Variants in IREB2 observed in about 807,000 individuals in gnomAD.
IREB2 encodes iron responsive element binding protein 2, also known as iron-responsive element-binding protein 2.
In IREB2, 39 loss-of-function variants were observed where a neutral mutation model predicts 118.8. The observed-to-expected ratio is 0.33, with a 90% CI of 0.25 to 0.43. IREB2 has a LOEUF of 0.43. IREB2 is among the 20% of genes least tolerant of loss of function. The probability of loss-of-function intolerance (pLI) is 1.00; values close to 1 mark genes in which losing one functional copy is unlikely to be tolerated. For synonymous variants in IREB2, 372 were observed against 392.2 expected (o/e 0.95, Z 0.61); for missense variants, 900 against 1,147.3 (o/e 0.78, Z 3.11).
At chr15:78,459,576 T>C (rs1173135670) in intron 2 of IREB2, among the ~76,000 whole-genome samples, 3 of 152,128 alleles carry the variant, frequency 2.0e-5, no homozygotes, top group Non-Finnish European at 4.4e-5. Flanking sequence ...TCTGTAACTC[T>C]TGACCTCGAG....
chr15:78,487,664 A>G, intron 13 of IREB2, 69 bp from the exon 14 acceptor site: 1 of 846,520 alleles, frequency 1.2e-6, no homozygotes, highest in Non-Finnish European at 2.0e-6. Context: ...TAGAAATACA[A>G]GATAAGACTT....
chr15:78,485,917 A>G (rs2051652543), intron 13 of IREB2, 77 bp downstream of exon 13: 2 of 1,213,430 alleles, frequency 1.6e-6, no homozygotes, highest in East Asian at 2.5e-5. Flanking sequence ...TGCCTTTCAT[A>G]TACAAAGAGA....
chr15:78,496,987 T>G, intron 20 of IREB2, 139 bp from the exon 21 acceptor site: 1 of 634,044 alleles, frequency 1.6e-6, no homozygotes, highest in Non-Finnish European at 2.8e-6. Context: ...GTAAATACTT[T>G]GATAAAATAT....
In IREB2 at chr15:78,483,395, A is replaced by G. The variant is rs746124664; in HGVS notation, c.1374A>G (p.Thr458=). The G allele has an allele frequency of 1.9e-6, 3 of 1,606,482 alleles. No individual in the cohort carries two copies. Among genetic ancestry groups the G allele is most frequent in the Non-Finnish European group, 2.6e-6 (3 of 1,173,086 alleles). Residue 458 remains threonine (T), a synonymous_variant, in exon 11 of 22, where the codon ACA becomes ACG. Coordinates refer to ENST00000258886, the MANE Select transcript of IREB2 (RefSeq NM_004136.4). ...GACCTCAGGATAGAGTTGCTGTGACAGATATGAAAAGCGATTTCCAGGCTT... is the reference window on the plus strand; with the variant it reads ...GACCTCAGGATAGAGTTGCTGTGACGGATATGAAAAGCGATTTCCAGGCTT... ...PKRPQDRVAV[T]DMKSDFQACL...
At chr15:78,453,321 G>A (rs1223048852) in intron 2 of IREB2, among the ~76,000 whole-genome samples, 1 of 152,002 alleles carries the variant, frequency 6.6e-6, no homozygotes, top group Non-Finnish European at 1.5e-5. Context: ...TTGCTACAAG[G>A]CTGTTGGGAT....
Position 78,438,221 on chromosome 15 carries a change from T to G in IREB2, c.-117T>G, listed in dbSNP as rs1395493159. On this transcript the variant is annotated 5_prime_UTR_variant, in exon 1 of 22. Transcript: ENST00000258886. ...TGCTCTCGCGATATTTGCGCGAGCC[T>G]GCTTCCTTCTTTCCTCCCTTGCCAG... 2.6e-5 allele frequency: 21 copies of G among 806,470 alleles called. No homozygotes were observed. The highest frequency in any genetic ancestry group is 6.2e-5 in the Admixed American group (3 of 48,002). The allele number at this position is 806,470 out of a possible 1,614,324, so 50.0% of individuals were successfully genotyped here.
chr15:78,440,890 T>C (rs1054187756), intron 2 of IREB2, among the ~76,000 whole-genome samples: 2 of 152,158 alleles, frequency 1.3e-5, no homozygotes, highest in Admixed American at 6.5e-5. Flanking sequence ...CTATAGGGCA[T>C]TGAATGGAAG....
chr15:78,463,450 A>C (rs920522840), intron 3 of IREB2, among the ~76,000 whole-genome samples: 2 of 152,038 alleles, frequency 1.3e-5, no homozygotes, highest in African/African-American at 2.4e-5. Context: ...CTAAAAATAA[A>C]AAATAAAATA....
At chr15:78,482,688 T>G (rs2051594620) in intron 10 of IREB2, among the ~76,000 whole-genome samples, 1 of 152,140 alleles carries the variant, frequency 6.6e-6, no homozygotes, top group Non-Finnish European at 1.5e-5. Flanking sequence ...GGCATCTATT[T>G]TATCATTGGA....
rs747918421 is a variant in IREB2 at position 78,439,850 on chromosome 15, C to A, written c.75C>A (p.Phe25Leu). ...ETLNDSSHKK[F>L]FDVSKLGTKY... ...TAAATGACAGTTCACATAAGAAGTT[C>A]TTCGATGTATCTAAACTTGGCACCA... Residue 25 changes from phenylalanine (F) to leucine (L), a missense_variant, in exon 2 of 22, where the codon TTC becomes TTA. Coordinates refer to ENST00000258886, the MANE Select transcript of IREB2 (RefSeq NM_004136.4). The A allele has an allele frequency of 2.5e-6, 4 of 1,601,598 alleles. No individual in the cohort carries two copies. The highest frequency in any genetic ancestry group is 2.2e-5 in the East Asian group (1 of 44,466).
chr15:78,462,632 G>A (rs764871303), intron 2 of IREB2, among the ~76,000 whole-genome samples: 10 of 152,092 alleles, frequency 6.6e-5, no homozygotes, highest in African/African-American at 1.9e-4. Context: ...TGAATATGAA[G>A]TATTTGTCAT....
At chr15:78,492,686 AG>A (rs2051771724) in intron 18 of IREB2, among the ~76,000 whole-genome samples, 1 of 152,004 alleles carries the variant, frequency 6.6e-6, no homozygotes, top group African/African-American at 2.4e-5. Flanking sequence ...CACCCTCCTG[AG>A]TAGCTTGGGA....
Position 78,484,811 on chromosome 15 carries a change from C to T in IREB2, c.1464C>T (p.Val488=). ...CAGCTGAAAAACAAAAGGATATTGT[C>T]TCCATTCATTATGAAGGAAGTGAAT... The part of the protein sequence containing the change: ...QIAAEKQKDI[V]SIHYEGSEYK... Residue 488 remains valine (V), a synonymous_variant, in exon 12 of 22, where the codon GTC becomes GTT. Transcript: ENST00000258886. The T allele has an allele frequency of 6.2e-7, 1 of 1,613,264 alleles. No individual in the cohort carries two copies. The highest frequency in any genetic ancestry group is 8.5e-7 in the Non-Finnish European group (1 of 1,179,418).
intron 12 of IREB2, 40 bp downstream of exon 12, chr15:78,484,960 A>ATTCCTT: frequency 6.3e-7 from 1 of 1,579,274 alleles, no homozygotes. Context: ...CTTTTTCCTT[A>ATTCCTT]ATTATTGTTG....
rs564663599 is a variant in IREB2 at position 78,441,026 on chromosome 15, A to T, written c.106+1145A>T. 2.0e-3 allele frequency among the ~76,000 whole-genome samples: 311 copies of T among 152,320 alleles called. 2 individuals are homozygous for T. The highest frequency in any genetic ancestry group is 3.1e-3 in the Non-Finnish European group (213 of 68,028). On this transcript the variant is annotated intron_variant, in intron 2 of 21. Coordinates refer to ENST00000258886, the MANE Select transcript of IREB2 (RefSeq NM_004136.4). ...CATGAAAAGATAAATTGAATGCCAC[A>T]TCTGTTGCAGTCAGTTTTGGAAGGA...
At chr15:78,496,483 G>A (rs938685978) in intron 20 of IREB2, among the ~76,000 whole-genome samples, 3 of 152,132 alleles carry the variant, frequency 2.0e-5, no homozygotes, top group Non-Finnish European at 2.9e-5. Flanking sequence ...GGCCAGGCTG[G>A]TCTCAAACTC....
chr15:78,497,298 C>A lies in IREB2; in HGVS notation c.2768C>A (p.Thr923Lys), dbSNP rs370149323. ...CCTGAAGAACTGTCTCCTGGAATTACATTGAATATACAGGTATCTCTAAAT... is the reference window on the plus strand; with the variant it reads ...CCTGAAGAACTGTCTCCTGGAATTAAATTGAATATACAGGTATCTCTAAAT... Reference protein sequence around the residue: ...TFPEELSPGITLNIQTSTGKV... With the variant: ...TFPEELSPGIKLNIQTSTGKV... Residue 923 changes from threonine (T) to lysine (K), a missense_variant, in exon 21 of 22, where the codon ACA becomes AAA. By Grantham distance (78) the Thr-to-Lys change is moderately conservative. Transcript: ENST00000258886. 28 of 1,611,234 alleles carry A rather than the reference C, an allele frequency of 1.7e-5. No individual in the cohort carries two copies. Among genetic ancestry groups the A allele is most frequent in the Non-Finnish European group, 2.4e-5 (28 of 1,177,500 alleles).
At chr15:78,460,770 G>A (rs1056076075) in intron 2 of IREB2, among the ~76,000 whole-genome samples, 7 of 152,004 alleles carry the variant, frequency 4.6e-5, no homozygotes, top group Non-Finnish European at 7.4e-5. Flanking sequence ...TCATGAGTTC[G>A]TATCCATGTT....
chr15:78,472,363 TTTTC>T (rs1462683736), intron 7 of IREB2, among the ~76,000 whole-genome samples: 2 of 151,668 alleles, frequency 1.3e-5, no homozygotes, highest in African/African-American at 2.4e-5. Context: ...TTTCTTTTTT[TTTTC>T]TTTTTCTTTT....
Sources: gnomAD v4.1 joint callset for allele counts (sites outside exome capture counted in the v4.1 genomes callset) on GRCh38, gnomAD v4.1.1 for gene constraint, MANE v1.5 for transcripts, NCBI Gene and HGNC (gene_info 2026-07-23, HGNC 2026-07-21) for gene names.